Variants in SCCPDH observed in about 807,000 individuals in gnomAD.
SCCPDH encodes the protein saccharopine dehydrogenase (putative).
In SCCPDH, 34 loss-of-function variants were observed where a neutral mutation model predicts 51.5. The ratio of observed to expected loss-of-function variants is 0.66; its 90% CI spans 0.50 to 0.88. The LOEUF (loss-of-function observed/expected upper bound fraction) is 0.88. Among genes scored for constraint, SCCPDH ranks in the 40% least tolerant of loss-of-function variants. The probability of loss-of-function intolerance (pLI) is 0.00; values close to 1 mark genes in which losing one functional copy is unlikely to be tolerated. For missense variants in SCCPDH, 464 were observed against 527.1 expected, an observed-to-expected ratio of 0.88 and a Z score of 1.17; for synonymous variants, 187 against 191.3, an observed-to-expected ratio of 0.98 and a Z score of 0.19.
chr1:246,727,787 A>G (rs1360754922), intron 2 of SCCPDH, among the ~76,000 whole-genome samples: 1 of 152,186 alleles, frequency 6.6e-6, no homozygotes, highest in Non-Finnish European at 1.5e-5. Context: ...AGAGTGTGAC[A>G]GAGGCCAGTG....
Position 246,767,246 on chromosome 1 carries a change from C to G in SCCPDH, c.1236C>G (p.Asp412Glu). The G allele has an allele frequency of 1.9e-6, 3 of 1,611,258 alleles. No individual in the cohort carries two copies. Among genetic ancestry groups the G allele is most frequent in the Non-Finnish European group, 2.5e-6 (3 of 1,178,430 alleles). Residue 412 changes from aspartate (D) to glutamate (E), a missense_variant, in exon 12 of 12, where the codon GAC becomes GAG. Coordinates refer to ENST00000366510, the MANE Select transcript of SCCPDH (RefSeq NM_016002.3). ...GAAFSKTKLI[D>E]RLNKHGIEFS... is the part of the protein sequence containing the mutation. ...CTTTTTCCAAAACAAAGTTGATTGA[C>G]AGACTCAACAAACACGGTATTGAGT...
chr1:246,748,996 C>G (rs114659221), intron 5 of SCCPDH, among the ~76,000 whole-genome samples: 1 of 152,240 alleles, frequency 6.6e-6, no homozygotes, highest in East Asian at 1.9e-4. Context: ...CTAACTTTTC[C>G]GTCTGCCGTG....
Position 246,764,213 on chromosome 1 carries a change from T to C in SCCPDH, c.991-33T>C. 2.2e-6 allele frequency: 3 copies of C among 1,349,998 alleles called. No individual in the cohort carries two copies. The South Asian group carries it at 3.6e-5, about 16-fold the overall frequency. 83.6% of individuals were successfully genotyped at this position (1,349,998 alleles called of 1,614,324 possible). On this transcript the variant is annotated intron_variant, in intron 9 of 11. Transcript: ENST00000366510. ...ATGTTCCAGGAGGAAATGACGTATT[T>C]ATGAAATGCGCCCTTTGCCTTCTCC...
intron 2 of SCCPDH, among the ~76,000 whole-genome samples, chr1:246,731,577 C>T (rs1572293156): frequency 1.3e-5 from 2 of 152,168 alleles, no homozygotes; most frequent in East Asian, 1.9e-4. Context: ...TGTGAAGAAG[C>T]AGCATGCTTG....
rs546854713 is a variant in SCCPDH at position 246,733,475 on chromosome 1, G to A, written c.304-2500G>A. Among the ~76,000 whole-genome samples the A allele has an allele frequency of 3.1e-4, 43 of 140,746 alleles. 1 individual carries two copies. In the East Asian group the frequency reaches 8.4e-3, roughly 27 times the overall value. The allele number at this position is 140,746 out of a possible 152,430, so 92.3% of individuals were successfully genotyped here. ...AGTATATGGCCTCTATATATAGTCC[G>A]TAGCATCATATTTTATACACACACA... On this transcript the variant is annotated intron_variant, in intron 2 of 11. Transcript: ENST00000366510.
chr1:246,760,829 CT>C (rs1669001953), intron 9 of SCCPDH, among the ~76,000 whole-genome samples: 1 of 152,206 alleles, frequency 6.6e-6, no homozygotes, highest in African/African-American at 2.4e-5. Flanking sequence ...CCGTTTCCCC[CT>C]CTGTGGAATG....
At chr1:246,732,778 C>T (rs1261488164) in intron 2 of SCCPDH, among the ~76,000 whole-genome samples, 2 of 152,118 alleles carry the variant, frequency 1.3e-5, no homozygotes, top group East Asian at 3.9e-4. Flanking sequence ...CCTGGCCCCA[C>T]ACTAAGCTCT....
At chr1:246,729,163 A>G (rs1293909597) in intron 2 of SCCPDH, among the ~76,000 whole-genome samples, 5 of 152,232 alleles carry the variant, frequency 3.3e-5, no homozygotes, top group Non-Finnish European at 7.3e-5. Context: ...GAGCAAGATC[A>G]CAAGGCCAGG....
intron 3 of SCCPDH, among the ~76,000 whole-genome samples, chr1:246,739,332 A>G (rs1668644583): frequency 6.6e-6 from 1 of 152,194 alleles, no homozygotes; most frequent in Non-Finnish European, 1.5e-5. Context: ...AAAACTCATA[A>G]TAATAATGAG....
rs746069371 is a variant in SCCPDH, at chr1:246,759,058, A to G, written c.720A>G (p.Glu240=). ...GGTGGCCAATTTCTTATTGTCGGGA[A>G]CTCAAAGGTTATTCCATTCCTTTTA... ...KRRWPISYCR[E]LKGYSIPFMG... Residue 240 remains glutamate, a synonymous_variant, in exon 7 of 12, where the codon GAA becomes GAG. Transcript: ENST00000366510. 6.2e-7 allele frequency: 1 copy of G among 1,607,984 alleles called. No homozygotes were observed. The highest frequency in any genetic ancestry group is 1.1e-5 in the South Asian group (1 of 90,972).
intron 5 of SCCPDH, among the ~76,000 whole-genome samples, chr1:246,752,071 C>T (rs373638300): frequency 4.3e-4 from 66 of 151,960 alleles, no homozygotes; most frequent in Non-Finnish European, 7.9e-4. Flanking sequence ...TGAGCCACCG[C>T]GCCCGGCTAA....
At chr1:246,760,307 C>G in intron 9 of SCCPDH, 80 bp downstream of exon 9, 1 of 1,203,170 alleles carries the variant, frequency 8.3e-7, no homozygotes, top group Non-Finnish European at 1.2e-6. Context: ...TGACAGGGCA[C>G]TATGTTTCAG....
intron 5 of SCCPDH, among the ~76,000 whole-genome samples, chr1:246,744,867 C>T (rs1190383543): frequency 6.6e-6 from 1 of 152,070 alleles, no homozygotes; most frequent in African/African-American, 2.4e-5. Context: ...CTCAAGTGAT[C>T]TGCCCACCTT....
chr1:246,724,793 C>G (rs1668362292), intron 1 of SCCPDH, among the ~76,000 whole-genome samples, 181 bp downstream of exon 1: 1 of 152,192 alleles, frequency 6.6e-6, no homozygotes, highest in African/African-American at 2.4e-5. Flanking sequence ...ACCTCCTTAA[C>G]TATATGTGTG....
chr1:246,761,774 T>C (rs1325504450), intron 9 of SCCPDH, among the ~76,000 whole-genome samples: 1 of 152,198 alleles, frequency 6.6e-6, no homozygotes, highest in Non-Finnish European at 1.5e-5. Context: ...GGATCACATT[T>C]TGTGTATCCA....
At chr1:246,758,066 C>G (rs968345698) in intron 5 of SCCPDH, among the ~76,000 whole-genome samples, 160 bp from the exon 6 acceptor site, 1 of 151,560 alleles carries the variant, frequency 6.6e-6, no homozygotes, top group African/African-American at 2.4e-5. Context: ...GTGACTGCTC[C>G]CTAGCTGGTC....
intron 4 of SCCPDH, among the ~76,000 whole-genome samples, chr1:246,743,303 G>A (rs562942456): frequency 6.6e-6 from 1 of 152,092 alleles, no homozygotes; most frequent in South Asian, 2.1e-4. Context: ...AAAAATTGGG[G>A]GCCGGGCATG....
chr1:246,730,490 A>G (rs895603741), intron 2 of SCCPDH, among the ~76,000 whole-genome samples: 2 of 152,188 alleles, frequency 1.3e-5, no homozygotes, highest in Non-Finnish European at 2.9e-5. Context: ...AAAACGACTG[A>G]ATGAATGAAG....
intron 4 of SCCPDH, among the ~76,000 whole-genome samples, chr1:246,740,886 G>A (rs143910338): frequency 0.011 from 1,699 of 152,142 alleles, 20 homozygotes; most frequent in African/African-American, 0.038. Flanking sequence ...TTCAGGACCA[G>A]CCTGGGCAAC....
Sources: gnomAD v4.1 joint callset for allele counts (sites outside exome capture counted in the v4.1 genomes callset) on GRCh38, gnomAD v4.1.1 for gene constraint, MANE v1.5 for transcripts, NCBI Gene and HGNC (gene_info 2026-07-23, HGNC 2026-07-21) for gene names.